MAP3K20: variants seen among roughly 807,000 people sequenced by gnomAD.
MAP3K20 encodes mitogen-activated protein kinase kinase kinase 20, also known as HCCS-4.
Under a neutral mutation model 85.7 loss-of-function variants are expected in MAP3K20, and 40 were observed. The observed-to-expected ratio is 0.47, with a 90% CI of 0.36 to 0.61. The LOEUF (loss-of-function observed/expected upper bound fraction) is 0.61, where lower values mean the gene tolerates loss of function less well. Among genes scored for constraint, MAP3K20 ranks in the 20% least tolerant of loss-of-function variants. The pLI is 0.00. For synonymous variants in MAP3K20, 325 were observed against 327.7 expected (o/e 0.99, Z 0.09); for missense variants, 817 against 961.7 (o/e 0.85, Z 1.99).
intron 7 of MAP3K20, among the ~76,000 whole-genome samples, chr2:173,195,027 G>T (rs1303092013): frequency 1.3e-5 from 2 of 151,942 alleles, no homozygotes; most frequent in Non-Finnish European, 2.9e-5. Flanking sequence ...GGAGGCAATT[G>T]TTTCCCTCCA....
intron 4 of MAP3K20, among the ~76,000 whole-genome samples, chr2:173,183,689 C>T (rs1690398683): frequency 6.6e-6 from 1 of 151,890 alleles, no homozygotes; most frequent in Non-Finnish European, 1.5e-5. Context: ...AAATAATGAA[C>T]ACCGATAGTT....
intron 11 of MAP3K20, chr2:173,222,551 C>G (rs1390885476): frequency 1.0e-6 from 1 of 985,486 alleles, no homozygotes; most frequent in Non-Finnish European, 1.2e-6. Flanking sequence ...GAGTTCATGC[C>G]TCTCCTGTAT....
intron 8 of MAP3K20, 21 bp from the exon 9 acceptor site, chr2:173,203,775 G>GT: frequency 6.3e-7 from 1 of 1,584,618 alleles, no homozygotes. Context: ...ATTTTGTTTT[G>GT]TTTCCCTCTG....
chr2:173,242,984 C>T (rs966252649), intron 16 of MAP3K20, among the ~76,000 whole-genome samples: 4 of 152,078 alleles, frequency 2.6e-5, no homozygotes, highest in African/African-American at 4.8e-5. Flanking sequence ...GGATTACAGG[C>T]GTGAGCCACC....
intron 2 of MAP3K20, among the ~76,000 whole-genome samples, chr2:173,106,987 G>A (rs979252903): frequency 2.6e-5 from 4 of 152,184 alleles, no homozygotes; most frequent in Non-Finnish European, 5.9e-5. Context: ...AGACTTGAAA[G>A]AACAGGTGTC....
rs1688894904 is a variant in MAP3K20, at chr2:173,139,151, A to G, written c.160-30654A>G. Reference sequence around the variant, plus strand: ...CTTGCAAATGATGAAGCAAGTGTGTATGATTCCCAGAAGCACACTGGAGAA... The same window carrying G: ...CTTGCAAATGATGAAGCAAGTGTGTGTGATTCCCAGAAGCACACTGGAGAA... On this transcript the variant is annotated intron_variant, in intron 2 of 19. Coordinates refer to ENST00000375213, the MANE Select transcript of MAP3K20 (RefSeq NM_016653.3). Among the ~76,000 whole-genome samples the G allele has an allele frequency of 2.0e-5, 3 of 152,222 alleles. No individual in the cohort carries two copies. In the South Asian group the frequency reaches 6.2e-4, roughly 31 times the overall value.
At chr2:173,235,324 G>A (rs1329318646) in intron 14 of MAP3K20, among the ~76,000 whole-genome samples, 2 of 152,188 alleles carry the variant, frequency 1.3e-5, no homozygotes, top group Non-Finnish European at 2.9e-5. Context: ...TGAGGTATTT[G>A]GGAACAGGTT....
rs759704930 is a variant in MAP3K20, at chr2:173,198,015, T to G, written c.583-11T>G. On this transcript the variant is annotated splice_polypyrimidine_tract_variant and intron_variant, in intron 7 of 19. Coordinates refer to ENST00000375213, the MANE Select transcript of MAP3K20 (RefSeq NM_016653.3). The surrounding 1 kb of genome is among the most constrained non-coding windows in gnomAD (Gnocchi z 5.8). ...TACAAAAATAAAAATTCCATTTTCT[T>G]TTTGTTCCAGGTTCTCTGGGAGATG... is the stretch of plus-strand genomic sequence containing the variant. 56 of 1,605,464 alleles carry G rather than the reference T, an allele frequency of 3.5e-5. No homozygotes were observed. The highest frequency in any genetic ancestry group is 4.5e-5 in the Non-Finnish European group (53 of 1,176,704).
At chr2:173,185,207 C>T (rs1050093226) in intron 4 of MAP3K20, among the ~76,000 whole-genome samples, 2 of 152,226 alleles carry the variant, frequency 1.3e-5, no homozygotes, top group African/African-American at 2.4e-5. Flanking sequence ...GGCCATTGCA[C>T]TCCAGCCTGG....
intron 19 of MAP3K20, among the ~76,000 whole-genome samples, chr2:173,264,522 C>A (rs1304360672): frequency 2.0e-5 from 3 of 152,200 alleles, no homozygotes; most frequent in Admixed American, 1.3e-4. Flanking sequence ...AAACCCCCAA[C>A]AGACTACCCG....
chr2:173,259,470 T>C (rs1012992007), intron 17 of MAP3K20, among the ~76,000 whole-genome samples: 12 of 152,322 alleles, frequency 7.9e-5, no homozygotes, highest in African/African-American at 2.6e-4. Context: ...TTGTAGAAGG[T>C]CAACAACTTC....
At chr2:173,171,984 A>C (rs1041579453) in intron 3 of MAP3K20, among the ~76,000 whole-genome samples, 1 of 152,174 alleles carries the variant, frequency 6.6e-6, no homozygotes, top group Non-Finnish European at 1.5e-5. Flanking sequence ...TTGTTCCTAG[A>C]GATGTTAGTT....
chr2:173,205,384 T>G (rs1383210433), intron 9 of MAP3K20, among the ~76,000 whole-genome samples: 2 of 152,176 alleles, frequency 1.3e-5, no homozygotes, highest in Admixed American at 1.3e-4. Context: ...AATATGTTTC[T>G]TTAATGGGAA....
In MAP3K20 at chr2:173,216,610, CTG is replaced by C. The variant is rs138281390; in HGVS notation, c.852-504_852-503del. ...CCACCACCCCTTACAACCAAGGAAA[CTG>C]AGACAGGTTAGTCAATTGATTGCTT... is the stretch of plus-strand genomic sequence containing the variant. On this transcript the variant is annotated intron_variant, in intron 10 of 19. Transcript: ENST00000375213. 5.8e-4 allele frequency among the ~76,000 whole-genome samples: 88 copies of C among 151,268 alleles called. 1 individual carries two copies. Among genetic ancestry groups the C allele is most frequent in the Non-Finnish European group, 8.7e-4 (59 of 67,930 alleles).
At chr2:173,254,206 G>A (rs1402249803) in intron 16 of MAP3K20, among the ~76,000 whole-genome samples, 1 of 151,698 alleles carries the variant, frequency 6.6e-6, no homozygotes, top group African/African-American at 2.4e-5. Context: ...ATGAGGTTAG[G>A]AGATCGAGAC....
intron 17 of MAP3K20, 48 bp from the exon 18 acceptor site, chr2:173,261,003 CATACTATAGTAG>C: frequency 6.6e-7 from 1 of 1,515,920 alleles, no homozygotes; most frequent in Non-Finnish European, 9.1e-7. Context: ...CTCAAAGAAA[CATACTATAGTAG>C]AGCAGACTGT....
chr2:173,208,218 G>C (rs917930995), intron 9 of MAP3K20, among the ~76,000 whole-genome samples: 1 of 151,962 alleles, frequency 6.6e-6, no homozygotes, highest in Non-Finnish European at 1.5e-5. Context: ...TGGGCAAGAT[G>C]GCGAGACCCC....
intron 2 of MAP3K20, among the ~76,000 whole-genome samples, chr2:173,144,340 G>T (rs1164289346): frequency 1.3e-5 from 2 of 151,650 alleles, no homozygotes; most frequent in Non-Finnish European, 2.9e-5. Flanking sequence ...GTGGGCACCT[G>T]TAGTCCCAGC....
rs1690939463 is a variant in MAP3K20, at chr2:173,198,892, G to T, written c.669+780G>T. ...TACATTTTGAAAGGTTTAAAATTGT[G>T]ACTGAAACGCACAGCCATGGAAATT... is the stretch of plus-strand genomic sequence containing the variant. On this transcript the variant is annotated intron_variant, in intron 8 of 19. Coordinates refer to ENST00000375213, the MANE Select transcript of MAP3K20 (RefSeq NM_016653.3). This position sits in a 1 kb window ranked among gnomAD's most constrained non-coding sequence, Gnocchi z 5.8. 6.6e-6 allele frequency: 1 copy of T among 152,560 alleles called. No individual in the cohort carries two copies. Among genetic ancestry groups the T allele is most frequent in the Non-Finnish European group, 1.5e-5 (1 of 68,032 alleles). The allele number at this position is 152,560 out of a possible 1,614,324, so 9.5% of individuals were successfully genotyped here. A position where few individuals can be genotyped will look rare whatever the true frequency, so the allele number is the denominator to read the frequency against.
Sources: gnomAD v4.1 joint callset for allele counts (sites outside exome capture counted in the v4.1 genomes callset) on GRCh38, gnomAD v4.1.1 for gene constraint, Gnocchi (gnomAD v3.1) non-coding constraint, MANE v1.5 for transcripts, NCBI Gene and HGNC (gene_info 2026-07-23, HGNC 2026-07-21) for gene names.